The following OR3A2 variants were observed in gnomAD, a reference collection of about 807,000 sequenced individuals.
OR3A2 encodes the protein olfactory receptor family 3 subfamily A member 2, also known as olfactory receptor 3A2.
For synonymous variants in OR3A2, 126 were observed against 159.3 expected (o/e 0.79, Z 1.57); for missense variants, 318 against 392.8 (o/e 0.81, Z 1.61).
intron 2 of OR3A2, among the ~76,000 whole-genome samples, chr17:3,372,117 A>G (rs1270539868): frequency 2.7e-5 from 4 of 147,228 alleles, no homozygotes; most frequent in South Asian, 2.2e-4. Context: ...CGGGGCGGCC[A>G]GGCAGAGACG....
intron 1 of OR3A2, among the ~76,000 whole-genome samples, chr17:3,282,150 C>G (rs2048780524): frequency 6.6e-6 from 1 of 152,182 alleles, no homozygotes; most frequent in Non-Finnish European, 1.5e-5. Context: ...TGCAGTGGCT[C>G]ACACCTGTAA....
chr17:3,314,813 C>A (rs2049068505), intron 3 of OR3A2, among the ~76,000 whole-genome samples: 1 of 152,124 alleles, frequency 6.6e-6, no homozygotes, highest in South Asian at 2.1e-4. Context: ...GAACACAGTA[C>A]CCGATAGGCA....
chr17:3,361,124 G>A (rs1009097685), intron 2 of OR3A2, among the ~76,000 whole-genome samples: 14 of 150,872 alleles, frequency 9.3e-5, no homozygotes, highest in Non-Finnish European at 5.9e-5. Flanking sequence ...TCCTTGAAGA[G>A]GTCCTTCACA....
At chr17:3,306,694 A>AC (rs1555525949) in intron 3 of OR3A2, among the ~76,000 whole-genome samples, 2,085 of 118,220 alleles carry the variant, frequency 0.018, 200 homozygotes, top group African/African-American at 0.066. Flanking sequence ...AAAAAAAAAA[A>AC]ACCGTAACCC....
chr17:3,361,922 T>C (rs1464949047), intron 2 of OR3A2, among the ~76,000 whole-genome samples: 1 of 151,710 alleles, frequency 6.6e-6, no homozygotes, highest in Non-Finnish European at 1.5e-5. Context: ...AGGATGATGC[T>C]GGCCTCATAA....
intron 2 of OR3A2, among the ~76,000 whole-genome samples, chr17:3,380,521 A>G (rs1203343560): frequency 6.6e-6 from 1 of 152,140 alleles, no homozygotes; most frequent in African/African-American, 2.4e-5. Context: ...TGTCTTACTC[A>G]TCTCCGAATG....
At chr17:3,372,090 T>G (rs868858970) in intron 2 of OR3A2, among the ~76,000 whole-genome samples, 9 of 130,600 alleles carry the variant, frequency 6.9e-5, no homozygotes, top group Middle Eastern at 9.5e-3. Flanking sequence ...AGGCGGAGGG[T>G]CTCCTCTCTT....
At position 3,324,014 on chromosome 17, in the gene OR3A2, T is replaced by C. The variant is rs182482539; in HGVS notation, c.-85+12019A>G. ...GTACACCAATCAGACATAGATTTGG[T>C]CTTTTCACGTAGTCCCATATTTCTT... On this transcript the variant is annotated intron_variant, in intron 3 of 4. Transcript: ENST00000573491. 2.0e-5 allele frequency among the ~76,000 whole-genome samples: 3 copies of C among 152,252 alleles called. No individual in the cohort carries two copies. In the East Asian group the frequency reaches 5.8e-4, roughly 29 times the overall value.
intron 3 of OR3A2, among the ~76,000 whole-genome samples, chr17:3,332,188 G>A (rs2049241424): frequency 1.3e-5 from 2 of 152,246 alleles, no homozygotes; most frequent in Non-Finnish European, 2.9e-5. Flanking sequence ...TGCCCCCAGA[G>A]GTGGAGCCTA....
At chr17:3,375,705 GTTCT>G (rs1244713592) in intron 2 of OR3A2, among the ~76,000 whole-genome samples, 3 of 152,134 alleles carry the variant, frequency 2.0e-5, no homozygotes, top group Non-Finnish European at 2.9e-5. Context: ...TACTTTTCTG[GTTCT>G]TTCTCATTTG....
rs1443596697 is a variant in OR3A2 at position 3,375,239 on chromosome 17, T to C, written c.-179+8565A>G. ...CTTCCTTTTTTTTTTTCTTTTTTTT[T>C]TTTTTTCCCCCCCTTTTTGAGATAG... On this transcript the variant is annotated intron_variant, in intron 2 of 4. Transcript: ENST00000573491. Among the ~76,000 whole-genome samples, 22 of 77,100 alleles carry C rather than the reference T, an allele frequency of 2.9e-4. 1 individual carries two copies. The highest frequency in any genetic ancestry group is 1.6e-3 in the African/African-American group (21 of 13,440). The allele number at this position is 77,100 out of a possible 152,430, so 50.6% of individuals were successfully genotyped here.
intron 3 of OR3A2, among the ~76,000 whole-genome samples, chr17:3,321,317 A>G (rs552432295): frequency 5.3e-5 from 8 of 152,284 alleles, no homozygotes; most frequent in East Asian, 1.9e-4. Context: ...CAATCATGTC[A>G]TCTGCAAACA....
At chr17:3,377,771 C>T (rs995864819) in intron 2 of OR3A2, among the ~76,000 whole-genome samples, 10 of 152,042 alleles carry the variant, frequency 6.6e-5, no homozygotes, top group African/African-American at 2.4e-4. Flanking sequence ...AGTAGAAAGG[C>T]TAAAATTAAA....
rs1017344406 is a variant in OR3A2 at position 3,311,656 on chromosome 17, G to C, written c.-85+24377C>G. Reference sequence around the variant, plus strand: ...CTTTATCTCAGTGTCCTATGCCCACGTCACAGCTGCAATATTACAAATCCG... The same window carrying C: ...CTTTATCTCAGTGTCCTATGCCCACCTCACAGCTGCAATATTACAAATCCG... On this transcript the variant is annotated intron_variant, in intron 3 of 4. Transcript: ENST00000573491. This position sits in a 1 kb window ranked among gnomAD's most constrained non-coding sequence, Gnocchi z 4.6. 1 of 298,474 alleles carries C rather than the reference G, an allele frequency of 3.4e-6. No homozygotes were observed. The highest frequency in any genetic ancestry group is 6.9e-6 in the Non-Finnish European group (1 of 145,734). 18.5% of individuals were successfully genotyped at this position (298,474 alleles called of 1,614,324 possible). A position where few individuals can be genotyped will look rare whatever the true frequency, so the allele number is the denominator to read the frequency against.
intron 2 of OR3A2, among the ~76,000 whole-genome samples, chr17:3,345,698 T>C (rs1488685): frequency 0.14 from 20,940 of 151,998 alleles, 1,780 homozygotes; most frequent in African/African-American, 0.24. Context: ...TAATAGGAGA[T>C]AAATGAATTT....
In OR3A2 at chr17:3,291,889, G is replaced by A. The variant is rs749032687; in HGVS notation, c.-84-12736C>T. On this transcript the variant is annotated intron_variant, in intron 3 of 4. Coordinates refer to the OR3A2 transcript ENST00000573491. ...GCTTTCTTCCTGCCCTCTACAGAGC[G>A]AATTCGCAGGACTGCAGCTGCCACG... The A allele has an allele frequency of 4.6e-5, 75 of 1,614,120 alleles. No individual in the cohort carries two copies. The highest frequency in any genetic ancestry group is 6.7e-5 in the Admixed American group (4 of 60,002).
rs142150514 is a variant in OR3A2, at chr17:3,344,158, C to T, written c.-178-8032G>A. On this transcript the variant is annotated intron_variant, in intron 2 of 4. Coordinates refer to the OR3A2 transcript ENST00000573491. ...TGCCCCTTCTTTAGGTGGCATGTTA[C>T]AAAAATGAGCCAAAGATGATGTCTG... Among the ~76,000 whole-genome samples the T allele has an allele frequency of 3.8e-3, 575 of 152,212 alleles. 5 individuals are homozygous for T. Among genetic ancestry groups the T allele is most frequent in the African/African-American group, 0.013 (546 of 41,536 alleles).
intron 2 of OR3A2, among the ~76,000 whole-genome samples, chr17:3,366,002 A>G (rs1189906049): frequency 1.3e-5 from 2 of 152,356 alleles, no homozygotes; most frequent in East Asian, 3.8e-4. Context: ...CACCACTGCT[A>G]GAATGAATGA....
At chr17:3,342,549 G>A (rs541438061) in intron 2 of OR3A2, among the ~76,000 whole-genome samples, 19 of 152,302 alleles carry the variant, frequency 1.2e-4, no homozygotes, top group East Asian at 9.6e-4. Flanking sequence ...AGAGTTTGCC[G>A]GAAGTCCACT....
Sources: allele counts gnomAD v4.1 joint callset (sites outside exome capture counted in the v4.1 genomes callset), GRCh38; gene constraint gnomAD v4.1.1; non-coding constraint Gnocchi (gnomAD v3.1); transcripts MANE v1.5; gene names NCBI Gene and HGNC (gene_info 2026-07-23, HGNC 2026-07-21).